Variants in PTPRN2 observed in about 807,000 individuals in gnomAD.
PTPRN2 encodes the protein protein tyrosine phosphatase receptor type N2, also known as receptor-type tyrosine-protein phosphatase N2.
PTPRN2 carries 74 observed loss-of-function variants against 118.8 expected under a neutral mutation model. The ratio of observed to expected loss-of-function variants is 0.62; its 90% confidence interval spans 0.52 to 0.76. PTPRN2 has a LOEUF of 0.76. Ranked by LOEUF, PTPRN2 falls within the 30% of genes least tolerant of loss-of-function variation. The pLI is 0.00. For synonymous variants in PTPRN2, 641 were observed against 608.0 expected, an observed-to-expected ratio of 1.05 and a Z score of -0.80; for missense variants, 1,481 against 1,394.4, an observed-to-expected ratio of 1.06 and a Z score of -0.99.
At chr7:157,652,882 G>A (rs970568152) in intron 14 of PTPRN2, among the ~76,000 whole-genome samples, 1 of 152,214 alleles carries the variant, frequency 6.6e-6, no homozygotes, top group Non-Finnish European at 1.5e-5. Context: ...GTTACTCCGG[G>A]TCTCCAGCAC....
At chr7:158,343,010 T>C (rs910761880) in intron 2 of PTPRN2, among the ~76,000 whole-genome samples, 3 of 152,210 alleles carry the variant, frequency 2.0e-5, no homozygotes, top group Admixed American at 6.5e-5. Context: ...GATTGCGCCA[T>C]TGCACTCCAG....
chr7:158,186,000 G>A (rs1365451618), intron 5 of PTPRN2, among the ~76,000 whole-genome samples: 2 of 103,244 alleles, frequency 1.9e-5, no homozygotes, highest in African/African-American at 6.1e-5. Flanking sequence ...CTCCTTGGCA[G>A]GATTTCTCCC....
At chr7:158,389,167 G>A (rs11984034) in intron 2 of PTPRN2, among the ~76,000 whole-genome samples, 5,175 of 152,334 alleles carry the variant, frequency 0.034, 318 homozygotes, top group African/African-American at 0.12. Flanking sequence ...TGAAGCCCTC[G>A]GCAGGAGGCA....
chr7:158,147,983 A>G (rs1459871282), intron 6 of PTPRN2, among the ~76,000 whole-genome samples: 3 of 55,208 alleles, frequency 5.4e-5, no homozygotes, highest in African/African-American at 1.9e-4. Flanking sequence ...CCCCTCAATG[A>G]CACACCATCT....
intron 17 of PTPRN2, among the ~76,000 whole-genome samples, chr7:157,594,206 A>C (rs578105638): frequency 2.0e-5 from 3 of 152,336 alleles, no homozygotes; most frequent in African/African-American, 7.2e-5. Context: ...GGGCAGAGAG[A>C]GGAGGCTCCC....
At chr7:158,201,480 C>T (rs752387628) in intron 4 of PTPRN2, among the ~76,000 whole-genome samples, 8 of 152,310 alleles carry the variant, frequency 5.3e-5, no homozygotes, top group Admixed American at 2.6e-4. Flanking sequence ...TATTTCCTTG[C>T]AATACCTGGA....
intron 9 of PTPRN2, among the ~76,000 whole-genome samples, chr7:158,131,784 C>A (rs373692770): frequency 6.8e-6 from 1 of 147,824 alleles, no homozygotes; most frequent in South Asian, 2.2e-4. Context: ...CACATCTACC[C>A]GACATACACA....
chr7:158,429,526 G>T (rs1225703576), intron 2 of PTPRN2, among the ~76,000 whole-genome samples: 2 of 152,158 alleles, frequency 1.3e-5, no homozygotes, highest in Non-Finnish European at 2.9e-5. Context: ...CCTTAGACCC[G>T]CTGGTGATGT....
chr7:158,445,263 C>G (rs778514205), intron 2 of PTPRN2, among the ~76,000 whole-genome samples: 2 of 152,188 alleles, frequency 1.3e-5, no homozygotes, highest in Non-Finnish European at 2.9e-5. Flanking sequence ...CTGACTCGGC[C>G]CTGAGCTTGT....
intron 11 of PTPRN2, among the ~76,000 whole-genome samples, chr7:157,993,259 G>A (rs1025652279): frequency 3.3e-5 from 5 of 151,840 alleles, no homozygotes; most frequent in East Asian, 3.9e-4. Flanking sequence ...GTACCTGTCC[G>A]TGTTCACATT....
intron 10 of PTPRN2, among the ~76,000 whole-genome samples, chr7:158,090,525 A>G (rs1259220839): frequency 6.6e-6 from 1 of 152,162 alleles, no homozygotes; most frequent in African/African-American, 2.4e-5. Flanking sequence ...GTTCTTTATC[A>G]CTCAGTGGTT....
At chr7:158,538,494 G>A (rs775488198) in intron 1 of PTPRN2, among the ~76,000 whole-genome samples, 5 of 152,292 alleles carry the variant, frequency 3.3e-5, no homozygotes, top group East Asian at 1.9e-4. Flanking sequence ...CGCAGCCTCC[G>A]TGGGTCGTGA....
In PTPRN2 at chr7:158,522,451, G is replaced by T. The variant is rs564812625; in HGVS notation, c.113-32666C>A. On this transcript the variant is annotated intron_variant, in intron 1 of 22. Coordinates refer to ENST00000389418, the MANE Select transcript of PTPRN2 (RefSeq NM_002847.5). ...AAGGTCCACATCGGAATGGTAGACT[G>T]TTTAGGAGAAAGGTCCACGTCAGAA... is the stretch of plus-strand genomic sequence containing the variant. Among the ~76,000 whole-genome samples the T allele has an allele frequency of 2.6e-5, 4 of 151,196 alleles. No individual in the cohort carries two copies. The East Asian group carries it at 7.8e-4, about 29-fold the overall frequency.
intron 1 of PTPRN2, among the ~76,000 whole-genome samples, chr7:158,579,334 T>C (rs1282068026): frequency 6.6e-6 from 1 of 152,238 alleles, no homozygotes; most frequent in Non-Finnish European, 1.5e-5. Context: ...AATAACAATA[T>C]TCCATCCTGT....
intron 1 of PTPRN2, among the ~76,000 whole-genome samples, chr7:158,559,332 G>A (rs768996880): frequency 3.3e-5 from 5 of 152,062 alleles, no homozygotes; most frequent in Admixed American, 1.3e-4. Flanking sequence ...ATATTTTAAC[G>A]ATCCATATGA....
intron 2 of PTPRN2, among the ~76,000 whole-genome samples, chr7:158,339,207 TGCAGACGTCACTCACACCCACACTCG>T (rs1806221839): frequency 1.2e-4 from 1 of 8,362 alleles, no homozygotes; most frequent in African/African-American, 1.8e-3. Flanking sequence ...AGGTGACACC[TGCAGACGTCACTCACACCCACACTCG>T]CACCATAAGA....
chr7:157,586,732 G>T (rs1299659111), intron 17 of PTPRN2, among the ~76,000 whole-genome samples: 2 of 152,138 alleles, frequency 1.3e-5, no homozygotes, highest in Admixed American at 6.5e-5. Context: ...TGGATGCTGG[G>T]TCTGTCCTGG....
chr7:158,255,922 C>T (rs114804941), intron 3 of PTPRN2, among the ~76,000 whole-genome samples: 2,248 of 152,272 alleles, frequency 0.015, 53 homozygotes, highest in African/African-American at 0.051. Flanking sequence ...CTAAACCAGA[C>T]GATGCTCAGA....
chr7:158,465,461 A>G (rs967840167), intron 2 of PTPRN2, among the ~76,000 whole-genome samples: 2 of 152,222 alleles, frequency 1.3e-5, no homozygotes, highest in Admixed American at 1.3e-4. Context: ...TTTCATTATG[A>G]TAACTGTTTT....
Sources: gnomAD v4.1 joint callset for allele counts (sites outside exome capture counted in the v4.1 genomes callset) on GRCh38, gnomAD v4.1.1 for gene constraint, MANE v1.5 for transcripts, NCBI Gene and HGNC (gene_info 2026-07-23, HGNC 2026-07-21) for gene names.